GAB3: variants seen among roughly 807,000 people sequenced by gnomAD.
GAB3 encodes the protein GRB2 associated binding protein 3, also known as GRB2-associated-binding protein 3.
GAB3 carries 12 observed loss-of-function variants against 40.4 expected under a neutral mutation model. That is an observed-to-expected ratio of 0.30 (90% CI 0.19 to 0.48). The LOEUF is 0.48. GAB3 is among the 20% of genes least tolerant of loss of function. The pLI, the probability that GAB3 is intolerant of heterozygous loss-of-function variation, is 0.99. For missense variants in GAB3, 381 were observed against 461.9 expected (o/e 0.82, Z 1.61); for synonymous variants, 154 against 176.7 (o/e 0.87, Z 1.02).
chrX:154,716,185 G>A lies in GAB3; in HGVS notation c.217C>T (p.Pro73Ser), dbSNP rs898830733. ...TGAAATTCCTTCCGAACAAAGCTGG[G>A]GCCCACATGCTTCCACACTGCACAC... ...SECAVWKHVG[P>S]SFVRKEFQNN... Residue 73 changes from proline to serine, a missense_variant, in exon 2 of 10, where the codon CCC becomes TCC. Pro to Ser is a moderately conservative substitution (Grantham distance 74). Transcript: ENST00000424127. 5.8e-6 allele frequency: 7 copies of A among 1,212,360 alleles called. No individual in the cohort carries two copies. Among genetic ancestry groups the A allele is most frequent in the Non-Finnish European group, 7.8e-6 (7 of 895,598 alleles).
intron 1 of GAB3, among the ~76,000 whole-genome samples, chrX:154,739,682 A>G (rs1276618615): frequency 8.9e-6 from 1 of 112,231 alleles, no homozygotes; most frequent in Non-Finnish European, 1.9e-5. Context: ...GTAAGGGTAA[A>G]TAGGGTGGAT....
In GAB3 at chrX:154,675,676, G is replaced by C. The variant is rs191679148; in HGVS notation, c.*2502C>G. The C allele has an allele frequency of 6.2e-5, 7 of 112,229 alleles. No homozygotes were observed. In the East Asian group the frequency reaches 1.9e-3, roughly 31 times the overall value. 9.2% of individuals were successfully genotyped at this position (112,229 alleles called of 1,213,427 possible). On this transcript the variant is annotated 3_prime_UTR_variant, in exon 10 of 10. Coordinates refer to ENST00000424127, the MANE Select transcript of GAB3 (RefSeq NM_001081573.3). Reference sequence around the variant, plus strand: ...GAAACAAAAAGGAACTACAGAAAACGATGTGGGGTTAATTGCTGCATTGCC... The same window carrying C: ...GAAACAAAAAGGAACTACAGAAAACCATGTGGGGTTAATTGCTGCATTGCC...
At chrX:154,722,301 G>T (rs782473140) in intron 1 of GAB3, among the ~76,000 whole-genome samples, 60 of 111,112 alleles carry the variant, frequency 5.4e-4, no homozygotes, top group Non-Finnish European at 1.0e-3. Context: ...AAGATGGGAG[G>T]AAATGGGAAG....
At chrX:154,733,062 CTT>C (rs1354208734) in intron 1 of GAB3, among the ~76,000 whole-genome samples, 3 of 112,339 alleles carry the variant, frequency 2.7e-5, no homozygotes, top group Non-Finnish European at 5.6e-5. Context: ...AGGAAGAACT[CTT>C]TATTGCTTAC....
At chrX:154,743,341 C>T (rs782549456) in intron 1 of GAB3, among the ~76,000 whole-genome samples, 1 of 111,441 alleles carries the variant, frequency 9.0e-6, no homozygotes, top group African/African-American at 3.3e-5. Context: ...ACCTAAACTA[C>T]ATGAAATGCT....
At chrX:154,691,741 A>G (rs1282576499) in intron 8 of GAB3, among the ~76,000 whole-genome samples, 1 of 112,069 alleles carries the variant, frequency 8.9e-6, no homozygotes, top group Non-Finnish European at 1.9e-5. Context: ...AAAGAAGAAC[A>G]AAGTTGGAAG....
chrX:154,699,196 G>T, intron 6 of GAB3, 98 bp downstream of exon 6: 1 of 684,411 alleles, frequency 1.5e-6, no homozygotes, highest in Non-Finnish European at 2.3e-6. Context: ...GCCCTCTGGG[G>T]TGGTTTCTCT....
chrX:154,721,566 G>A lies in GAB3; in HGVS notation c.73-5237C>T, dbSNP rs1249488318. 5.4e-5 allele frequency among the ~76,000 whole-genome samples: 6 copies of A among 112,089 alleles called. No individual in the cohort carries two copies. The Admixed American group carries it at 5.7e-4, about 11-fold the overall frequency. On this transcript the variant is annotated intron_variant, in intron 1 of 9. Coordinates refer to ENST00000424127, the MANE Select transcript of GAB3 (RefSeq NM_001081573.3). Reference sequence around the variant, plus strand: ...TTCATGACCTAACCATCTCTTAAAGGTCCCACCTCCCAACACTGTTGCATT... The same window carrying A: ...TTCATGACCTAACCATCTCTTAAAGATCCCACCTCCCAACACTGTTGCATT...
rs1367442444 is a variant in GAB3, at chrX:154,716,289, A to G, written c.113T>C (p.Met38Thr). The G allele has an allele frequency of 3.3e-6, 4 of 1,211,478 alleles. No homozygotes were observed. Among genetic ancestry groups the G allele is most frequent in the Admixed American group, 4.3e-5 (2 of 46,066 alleles). ...KRWFVLRRGR[M>T]SGNPDVLEYY... ...CTCCAAGACATCGGGGTTGCCGCTC[A>G]TGCGGCCTCGCCGGAGGACAAACCA... Residue 38 changes from methionine to threonine, a missense_variant, in exon 2 of 10, where the codon ATG (methionine) becomes ACG (threonine). Coordinates refer to ENST00000424127, the MANE Select transcript of GAB3 (RefSeq NM_001081573.3).
chrX:154,716,505 G>T (rs1421031530), intron 1 of GAB3, among the ~76,000 whole-genome samples, 176 bp from the exon 2 acceptor site: 2 of 112,938 alleles, frequency 1.8e-5, no homozygotes, highest in African/African-American at 6.4e-5. Context: ...TTTATTGGAT[G>T]ATTTTAAGGA....
intron 1 of GAB3, among the ~76,000 whole-genome samples, chrX:154,738,828 C>T (rs1308480895): frequency 8.9e-6 from 1 of 112,235 alleles, no homozygotes; most frequent in African/African-American, 3.2e-5. Flanking sequence ...ATCAACCTGA[C>T]TTCCAGAATC....
At chrX:154,694,457 A>G (rs1425954780) in intron 8 of GAB3, among the ~76,000 whole-genome samples, 14 of 107,569 alleles carry the variant, frequency 1.3e-4, no homozygotes, top group Admixed American at 9.9e-4. Context: ...CGTTATCTCG[A>G]CTCACTGCAA....
chrX:154,739,582 G>T (rs1557260945), intron 1 of GAB3, among the ~76,000 whole-genome samples: 1 of 111,588 alleles, frequency 9.0e-6, no homozygotes, highest in Non-Finnish European at 1.9e-5. Flanking sequence ...AGAAAAGGAG[G>T]AATAAGAAGC....
intron 1 of GAB3, among the ~76,000 whole-genome samples, chrX:154,723,962 G>A (rs1351398965): frequency 4.5e-5 from 5 of 111,760 alleles, no homozygotes; most frequent in African/African-American, 1.6e-4. Flanking sequence ...AATGTAAATA[G>A]TAAACCCTGG....
In GAB3 at chrX:154,676,169, C is replaced by T. The variant is rs781792642; in HGVS notation, c.*2009G>A. On this transcript the variant is annotated 3_prime_UTR_variant, in exon 10 of 10. Transcript: ENST00000424127. ...TAGAAACAGATTTCTTTTCTTTTTT[C>T]GGTGGGTCAATGGAGTGACATTTCA... The T allele has an allele frequency of 9.0e-6, 1 of 110,899 alleles. No individual in the cohort carries two copies. The highest frequency in any genetic ancestry group is 3.3e-5 in the African/African-American group (1 of 30,543). The allele number at this position is 110,899 out of a possible 1,213,427, so 9.1% of individuals were successfully genotyped here.
At chrX:154,751,112 A>G, upstream of GAB3, 1 of 733,004 alleles carries the variant, frequency 1.4e-6, no homozygotes, top group South Asian at 6.8e-5. Flanking sequence ...GGGCGGGCCC[A>G]GCGCCCGCCC....
intron 1 of GAB3, among the ~76,000 whole-genome samples, chrX:154,742,985 CATATATAT>C (rs34588574): frequency 4.3e-5 from 4 of 92,314 alleles, no homozygotes; most frequent in African/African-American, 1.6e-4. Flanking sequence ...AGTGTGTGTA[CATATATAT>C]ATATATATAT....
rs781881276 is a variant in GAB3 at position 154,678,026 on chromosome X, T to C, written c.*152A>G. 33 of 402,717 alleles carry C rather than the reference T, an allele frequency of 8.2e-5. No homozygotes were observed. The highest frequency in any genetic ancestry group is 1.4e-4 in the Non-Finnish European group (32 of 230,724). The allele number at this position is 402,717 out of a possible 1,213,427, so 33.2% of individuals were successfully genotyped here. ...AACAGGTCTTCTTTCCTAAAGGTTC[T>C]GGCCAAGACCTTGAAAACTACACAT... On this transcript the variant is annotated 3_prime_UTR_variant, in exon 10 of 10. Coordinates refer to ENST00000424127, the MANE Select transcript of GAB3 (RefSeq NM_001081573.3).
chrX:154,718,187 C>T lies in GAB3; in HGVS notation c.73-1858G>A, dbSNP rs1355654713. Among the ~76,000 whole-genome samples the T allele has an allele frequency of 3.6e-5, 4 of 110,246 alleles. No individual in the cohort carries two copies. In the East Asian group the frequency reaches 1.1e-3, roughly 32 times the overall value. ...GACACTATTTGGAGTATTCTCAGCT[C>T]CCTCCCTGCTCAGAGAACATGAATC... On this transcript the variant is annotated intron_variant, in intron 1 of 9. Transcript: ENST00000424127.
Sources: allele counts gnomAD v4.1 joint callset (sites outside exome capture counted in the v4.1 genomes callset), GRCh38; gene constraint gnomAD v4.1.1; transcripts MANE v1.5; gene names NCBI Gene and HGNC (gene_info 2026-07-23, HGNC 2026-07-21).